The following UGT2B4 variants were observed in gnomAD, a reference collection of about 807,000 sequenced individuals.
The protein encoded by UGT2B4 is UDP glucuronosyltransferase family 2 member B4, also known as UDP-glucuronosyltransferase 2B4.
Under a neutral mutation model 49.8 loss-of-function variants are expected in UGT2B4, and 49 were observed. The ratio of observed to expected loss-of-function variants is 0.98; its 90% CI spans 0.78 to 1.25. The LOEUF (loss-of-function observed/expected upper bound fraction) is 1.25. Ranked by LOEUF, UGT2B4 falls within the 50% of genes most tolerant of loss-of-function variation. UGT2B4 has a pLI of 0.00. For missense variants in UGT2B4, 729 were observed against 627.7 expected, an observed-to-expected ratio of 1.16 and a Z score of -1.73; for synonymous variants, 246 against 217.7, an observed-to-expected ratio of 1.13 and a Z score of -1.14.
At chr4:69,509,891 T>G (rs937247794) in intron 1 of UGT2B4, among the ~76,000 whole-genome samples, 1 of 152,158 alleles carries the variant, frequency 6.6e-6, no homozygotes, top group Admixed American at 6.5e-5. Context: ...TTTGCTTTGT[T>G]GTCTGTGCTT....
At chr4:69,491,997 C>T (rs1577886766) in intron 2 of UGT2B4, among the ~76,000 whole-genome samples, 1 of 152,118 alleles carries the variant, frequency 6.6e-6, no homozygotes, top group African/African-American at 2.4e-5. Flanking sequence ...TACTTTCTAC[C>T]TATTTCTTAG....
At position 69,485,356 on chromosome 4, in the gene UGT2B4, T is replaced by C; in HGVS notation, c.1162A>G (p.Ile388Val). ...AACAATGGAACGCCCACCATAGGGA[T>C]TCCATGGTAGATTGCCTCATAGATG... ...NGIYEAIYHGIPMVGVPLFAD... is the reference protein window; with the variant it reads ...NGIYEAIYHGVPMVGVPLFAD... Residue 388 changes from isoleucine (I) to valine (V), a missense_variant, in exon 5 of 6, where the codon ATC (isoleucine) becomes GTC (valine). Ile to Val is a conservative substitution (Grantham distance 29, BLOSUM62 3). Coordinates refer to ENST00000305107, the MANE Select transcript of UGT2B4 (RefSeq NM_021139.3). 6.2e-7 allele frequency: 1 copy of C among 1,614,010 alleles called. No individual in the cohort carries two copies. Among genetic ancestry groups the C allele is most frequent in the Non-Finnish European group, 8.5e-7 (1 of 1,179,908 alleles).
At chr4:69,507,509 G>A (rs573457048) in intron 1 of UGT2B4, among the ~76,000 whole-genome samples, 1 of 152,086 alleles carries the variant, frequency 6.6e-6, no homozygotes, top group Admixed American at 6.6e-5. Context: ...ATACAGATAG[G>A]TGAAAGATCT....
intron 1 of UGT2B4, among the ~76,000 whole-genome samples, chr4:69,505,908 A>G (rs1728455557): frequency 6.6e-6 from 1 of 152,182 alleles, no homozygotes; most frequent in Non-Finnish European, 1.5e-5. Flanking sequence ...AGACTAAGAA[A>G]TTTACTCAAA....
intron 3 of UGT2B4, among the ~76,000 whole-genome samples, chr4:69,487,668 A>G (rs949072259): frequency 1.3e-5 from 2 of 152,188 alleles, no homozygotes; most frequent in Non-Finnish European, 2.9e-5. Flanking sequence ...TGTAAGATGA[A>G]ACAGTCCATA....
At chr4:69,495,095 A>G in intron 1 of UGT2B4, 46 bp downstream of exon 1, 1 of 1,485,494 alleles carries the variant, frequency 6.7e-7, no homozygotes, top group Non-Finnish European at 8.9e-7. Context: ...CTTCAAAGGT[A>G]CAAGAAAGTT....
intron 1 of UGT2B4, among the ~76,000 whole-genome samples, chr4:69,520,089 C>T (rs1449617695): frequency 6.6e-6 from 1 of 152,076 alleles, no homozygotes; most frequent in East Asian, 1.9e-4. Flanking sequence ...CAAAAACACA[C>T]ATGTAAAATA....
chr4:69,498,839 A>G (rs1227434069), upstream of UGT2B4, among the ~76,000 whole-genome samples: 1 of 151,320 alleles, frequency 6.6e-6, no homozygotes, highest in Non-Finnish European at 1.5e-5. Context: ...TGATTTTTTG[A>G]ATAGTTTTTC....
upstream of UGT2B4, among the ~76,000 whole-genome samples, chr4:69,497,972 T>A (rs1427855313): frequency 6.6e-6 from 1 of 151,540 alleles, no homozygotes; most frequent in Non-Finnish European, 1.5e-5. Flanking sequence ...CTCTGATGAG[T>A]TAGTAGCCAA....
chr4:69,503,089 G>T (rs542148716), intron 1 of UGT2B4, among the ~76,000 whole-genome samples: 1 of 152,182 alleles, frequency 6.6e-6, no homozygotes. Flanking sequence ...ACCATCAAAG[G>T]CCATCTCTTT....
chr4:69,513,241 A>G (rs1218545535), intron 1 of UGT2B4, among the ~76,000 whole-genome samples: 1 of 152,184 alleles, frequency 6.6e-6, no homozygotes, highest in Admixed American at 6.5e-5. Context: ...TCTTTAATCC[A>G]TCTTGAGTTG....
Position 69,502,118 on chromosome 4 carries a change from T to TTTCTTTCTTTCTTTCTTTC in UGT2B4, c.-105-6171_-105-6153dup, listed in dbSNP as rs1553896672. Among the ~76,000 whole-genome samples, 391 of 135,816 alleles carry TTTCTTTCTTTCTTTCTTTC rather than the reference T, an allele frequency of 2.9e-3. 10 individuals are homozygous for TTTCTTTCTTTCTTTCTTTC. The highest frequency in any genetic ancestry group is 3.7e-3 in the Middle Eastern group (1 of 272). The allele number at this position is 135,816 out of a possible 152,430, so 89.1% of individuals were successfully genotyped here. The stretch of plus-strand genomic sequence containing the variant: ...CTTTCTTTCTTTCTTTCTTTCTTTC[T>TTTCTTTCTTTCTTTCTTTC]TTCTTTCTTTCTTTCTTTCTTTCTT... On this transcript the variant is annotated intron_variant, in intron 1 of 1. Coordinates refer to the UGT2B4 transcript ENST00000510114.
At chr4:69,495,935 A>G, upstream of UGT2B4, 1 of 1,517,826 alleles carries the variant, frequency 6.6e-7, no homozygotes, top group East Asian at 2.3e-5. Context: ...TCCAGTATAA[A>G]TCAGTCAAGA....
chr4:69,509,258 G>A (rs909323486), intron 1 of UGT2B4, among the ~76,000 whole-genome samples: 6 of 138,600 alleles, frequency 4.3e-5, no homozygotes, highest in East Asian at 2.2e-4. Context: ...TGCAACCTCC[G>A]CCTCCCAGGC....
Position 69,493,860 on chromosome 4 carries a change from AG to A in UGT2B4, c.722-20del. 1 of 1,583,416 alleles carries A rather than the reference AG, an allele frequency of 6.3e-7. No individual in the cohort carries two copies. The highest frequency in any genetic ancestry group is 8.5e-7 in the Non-Finnish European group (1 of 1,170,522). On this transcript the variant is annotated intron_variant, in intron 1 of 5. Transcript: ENST00000305107. ...GGTCTTCCTGATGGGGGAAAAAAAA[AG>A]AAAAGATAGATGACACAAGATAATT...
At chr4:69,509,814 C>T (rs989810800) in intron 1 of UGT2B4, among the ~76,000 whole-genome samples, 3 of 151,966 alleles carry the variant, frequency 2.0e-5, no homozygotes, top group Non-Finnish European at 2.9e-5. Context: ...CCTTTATACA[C>T]TGTTGACTGT....
At chr4:69,523,798 A>G (rs1728900505) in intron 1 of UGT2B4, among the ~76,000 whole-genome samples, 1 of 152,152 alleles carries the variant, frequency 6.6e-6, no homozygotes, top group African/African-American at 2.4e-5. Context: ...AATTTTGTCT[A>G]CGTTGAAAAT....
At chr4:69,515,953 T>G (rs1229358464) in intron 1 of UGT2B4, among the ~76,000 whole-genome samples, 2 of 152,212 alleles carry the variant, frequency 1.3e-5, no homozygotes, top group South Asian at 2.1e-4. Flanking sequence ...ACCTAGGTAT[T>G]AAGCCTAGCA....
At chr4:69,505,068 C>A (rs574763448) in intron 1 of UGT2B4, among the ~76,000 whole-genome samples, 6 of 152,188 alleles carry the variant, frequency 3.9e-5, no homozygotes, top group African/African-American at 1.2e-4. Flanking sequence ...CTTAAGGAAG[C>A]ACTAAATGTA....
Sources: allele counts gnomAD v4.1 joint callset (sites outside exome capture counted in the v4.1 genomes callset), GRCh38; gene constraint gnomAD v4.1.1; transcripts MANE v1.5; gene names NCBI Gene and HGNC (gene_info 2026-07-23, HGNC 2026-07-21).